The following TRAPPC9 variants were observed in gnomAD, a reference collection of about 807,000 sequenced individuals.
TRAPPC9 encodes the protein trafficking protein particle complex subunit 9.
Under a neutral mutation model 124.0 loss-of-function variants are expected in TRAPPC9, and 83 were observed. The ratio of observed to expected loss-of-function variants is 0.67; its 90% CI spans 0.56 to 0.80. TRAPPC9 has a LOEUF of 0.80. Ranked by LOEUF, TRAPPC9 falls within the 30% of genes least tolerant of loss-of-function variation. TRAPPC9 has a pLI of 0.00. For synonymous variants in TRAPPC9, 638 were observed against 617.5 expected (o/e 1.03, Z -0.49); for missense variants, 1,302 against 1,508.3 (o/e 0.86, Z 2.27).
chr8:139,867,665 G>T (rs914305095), intron 21 of TRAPPC9, among the ~76,000 whole-genome samples: 1 of 152,178 alleles, frequency 6.6e-6, no homozygotes, highest in Non-Finnish European at 1.5e-5. Context: ...TGACATTCCT[G>T]CCAAAAATGT....
intron 19 of TRAPPC9, among the ~76,000 whole-genome samples, chr8:139,921,623 G>A (rs1168447960): frequency 2.6e-5 from 4 of 151,896 alleles, no homozygotes; most frequent in African/African-American, 7.2e-5. Flanking sequence ...AGGGCTGTGG[G>A]TAGAGAAGGA....
intron 21 of TRAPPC9, among the ~76,000 whole-genome samples, chr8:139,845,137 C>G (rs1437592134): frequency 6.6e-6 from 1 of 152,210 alleles, no homozygotes; most frequent in East Asian, 1.9e-4. Context: ...TAAGGAGATA[C>G]TAGGTTTGAC....
At position 140,071,611 on chromosome 8, in the gene TRAPPC9, C is replaced by T. The variant is rs1364427350; in HGVS notation, c.2557-47532G>A. On this transcript the variant is annotated intron_variant, in intron 17 of 22. Transcript: ENST00000438773. ...AGAGGCCCGGTGCCTGCCTCTGGAACCCTCAGTCTGCCCGTGTAGATGGGG... is the reference window on the plus strand; with the variant it reads ...AGAGGCCCGGTGCCTGCCTCTGGAATCCTCAGTCTGCCCGTGTAGATGGGG... Among the ~76,000 whole-genome samples the T allele has an allele frequency of 3.3e-5, 5 of 152,176 alleles. No individual in the cohort carries two copies. In the East Asian group the frequency reaches 7.7e-4, roughly 23 times the overall value.
intron 17 of TRAPPC9, among the ~76,000 whole-genome samples, chr8:140,196,699 G>A (rs1160951133): frequency 2.0e-5 from 3 of 150,938 alleles, no homozygotes; most frequent in African/African-American, 4.9e-5. Context: ...CAGATCACAC[G>A]TGTGACACAA....
intron 16 of TRAPPC9, among the ~76,000 whole-genome samples, chr8:140,251,720 C>T (rs535154707): frequency 3.3e-5 from 5 of 152,230 alleles, no homozygotes; most frequent in African/African-American, 4.8e-5. Flanking sequence ...GGAGATGGAG[C>T]CCCCTCTATG....
rs768477231 is a variant in TRAPPC9 at position 139,885,949 on chromosome 8, G to A, written c.2985C>T (p.Gly995=). Residue 995 remains glycine (G), a synonymous_variant, in exon 21 of 23, where the codon GGC becomes GGT. Coordinates refer to ENST00000438773, the MANE Select transcript of TRAPPC9 (RefSeq NM_001160372.4). ...TCAGGAGTCCTTCCACACTCGCCTC[G>A]CCACTGCGCTTCAGGGAGGGGTGAG... ...CWRIPSLKRS[G]EASVEGLLNQ... is the part of the protein sequence containing the mutation. The A allele has an allele frequency of 1.7e-5, 27 of 1,569,542 alleles. No individual in the cohort carries two copies. The highest frequency in any genetic ancestry group is 7.4e-5 in the Admixed American group (4 of 53,746).
chr8:140,361,736 C>T (rs1029598660), intron 8 of TRAPPC9, among the ~76,000 whole-genome samples: 1 of 152,038 alleles, frequency 6.6e-6, no homozygotes, highest in African/African-American at 2.4e-5. Context: ...AAATTACCTG[C>T]TTGTGTGTCA....
At chr8:139,873,613 GGACA>G (rs1431901683) in intron 21 of TRAPPC9, among the ~76,000 whole-genome samples, 1 of 152,188 alleles carries the variant, frequency 6.6e-6, no homozygotes, top group Non-Finnish European at 1.5e-5. Context: ...CTTGGGAAGA[GGACA>G]GACAAATGGC....
intron 20 of TRAPPC9, among the ~76,000 whole-genome samples, chr8:139,894,320 C>A (rs1226176795): frequency 6.6e-6 from 1 of 152,208 alleles, no homozygotes; most frequent in Non-Finnish European, 1.5e-5. Flanking sequence ...AGAGCCAATG[C>A]CAACCCCCAA....
At position 140,042,175 on chromosome 8, in the gene TRAPPC9, T is replaced by A. The variant is rs923085869; in HGVS notation, c.2557-18096A>T. Reference sequence around the variant, plus strand: ...AAATTATTTAAGGAGAGAAATAATATAAAGTCTGCAACTTAGCCCAAAAAA... The same window carrying A: ...AAATTATTTAAGGAGAGAAATAATAAAAAGTCTGCAACTTAGCCCAAAAAA... On this transcript the variant is annotated intron_variant, in intron 17 of 22. Coordinates refer to ENST00000438773, the MANE Select transcript of TRAPPC9 (RefSeq NM_001160372.4). 2.0e-5 allele frequency among the ~76,000 whole-genome samples: 3 copies of A among 151,600 alleles called. 1 individual carries two copies. Among genetic ancestry groups the A allele is most frequent in the African/African-American group, 7.3e-5 (3 of 41,140 alleles).
At chr8:139,841,078 C>T (rs902131631) in intron 21 of TRAPPC9, among the ~76,000 whole-genome samples, 1 of 152,176 alleles carries the variant, frequency 6.6e-6, no homozygotes. Context: ...CTGGCAGGAC[C>T]GCATTCCTCC....
chr8:140,378,546 T>C (rs78843074), intron 7 of TRAPPC9, among the ~76,000 whole-genome samples: 5,442 of 152,258 alleles, frequency 0.036, 210 homozygotes, highest in African/African-American at 0.097. Context: ...CTTGTAATCA[T>C]GTGAGTTAAT....
intron 21 of TRAPPC9, among the ~76,000 whole-genome samples, chr8:139,739,324 C>T (rs985451186): frequency 5.9e-5 from 9 of 152,238 alleles, no homozygotes; most frequent in African/African-American, 2.2e-4. Flanking sequence ...GCTCCCTCTC[C>T]TTTCTGCACG....
intron 15 of TRAPPC9, 144 bp downstream of exon 15, chr8:140,275,514 G>T (rs1406772669): frequency 1.1e-6 from 1 of 887,196 alleles, no homozygotes; most frequent in Non-Finnish European, 1.8e-6. Context: ...CTCTCAGCCT[G>T]TAAGCCCTCG....
intron 21 of TRAPPC9, among the ~76,000 whole-genome samples, chr8:139,826,462 C>A (rs1247868542): frequency 1.3e-5 from 2 of 150,630 alleles, no homozygotes; most frequent in East Asian, 3.9e-4. Flanking sequence ...CCTCCTTCCC[C>A]CGCAGGGTCG....
intron 16 of TRAPPC9, among the ~76,000 whole-genome samples, chr8:140,233,627 A>ACACACACACACACT (rs2063660210): frequency 8.1e-6 from 1 of 124,066 alleles, no homozygotes; most frequent in Non-Finnish European, 1.7e-5. Context: ...TCCCCACCAC[A>ACACACACACACACT]CACACACACA....
intron 16 of TRAPPC9, among the ~76,000 whole-genome samples, chr8:140,240,134 G>GT (rs200719621): frequency 1.1e-3 from 170 of 151,144 alleles, no homozygotes; most frequent in African/African-American, 3.6e-3. Flanking sequence ...AAATAGACAT[G>GT]TTTTTTTTTC....
intron 21 of TRAPPC9, among the ~76,000 whole-genome samples, chr8:139,881,520 C>T (rs547980614): frequency 1.3e-5 from 2 of 152,124 alleles, no homozygotes; most frequent in Admixed American, 6.5e-5. Flanking sequence ...AGCAAATAGA[C>T]CTGCTCTGGT....
At chr8:140,432,250 G>C (rs1588344606) in intron 4 of TRAPPC9, among the ~76,000 whole-genome samples, 1 of 151,862 alleles carries the variant, frequency 6.6e-6, no homozygotes, top group Non-Finnish European at 1.5e-5. Flanking sequence ...TGATCAACAG[G>C]GCTTTTTAAA....
Sources: allele counts gnomAD v4.1 joint callset (sites outside exome capture counted in the v4.1 genomes callset), GRCh38; gene constraint gnomAD v4.1.1; transcripts MANE v1.5; gene names NCBI Gene and HGNC (gene_info 2026-07-23, HGNC 2026-07-21).